RARB: variants seen among roughly 807,000 people sequenced by gnomAD.
RARB encodes the protein retinoic acid receptor beta, also known as HBV-activated protein.
Under a neutral mutation model 51.9 loss-of-function variants are expected in RARB, and 17 were observed. The observed-to-expected ratio is 0.33, with a 90% CI of 0.22 to 0.49. RARB has a LOEUF of 0.49. Among genes scored for constraint, RARB ranks in the 20% least tolerant of loss-of-function variants. The pLI, the probability that RARB is intolerant of heterozygous loss-of-function variation, is 0.99. For missense variants in RARB, 369 were observed against 550.8 expected (o/e 0.67, Z 3.30); for synonymous variants, 215 against 195.4 (o/e 1.10, Z -0.84).
At chr3:25,175,240 A>G (rs1700720469) in intron 5 of RARB, among the ~76,000 whole-genome samples, 1 of 152,226 alleles carries the variant, frequency 6.6e-6, no homozygotes, top group Non-Finnish European at 1.5e-5. Flanking sequence ...CAATTTTTAG[A>G]AAGTTCTGCC....
At chr3:25,311,142 G>A (rs908955355) in intron 5 of RARB, among the ~76,000 whole-genome samples, 8 of 152,194 alleles carry the variant, frequency 5.3e-5, no homozygotes, top group South Asian at 2.1e-4. Context: ...TTTGTGCCAA[G>A]CCTTGAAGGA....
chr3:25,500,420 A>G (rs1442940656), intron 2 of RARB, among the ~76,000 whole-genome samples: 1 of 133,472 alleles, frequency 7.5e-6, no homozygotes, highest in African/African-American at 2.9e-5. Flanking sequence ...TAACTCTTGC[A>G]TTAGGCAAAT....
rs1361010446 is a variant in RARB, at chr3:25,474,293, T to G, written c.306+12952T>G. Among the ~76,000 whole-genome samples, 7 of 152,194 alleles carry G rather than the reference T, an allele frequency of 4.6e-5. No homozygotes were observed. In the South Asian group the frequency reaches 8.3e-4, roughly 18 times the overall value. ...ATGAGAATTTTTGTTTGGATCTTAC[T>G]TCTCTGTATTGTACTCAAATTGTAC... is the stretch of plus-strand genomic sequence containing the variant. On this transcript the variant is annotated intron_variant, in intron 2 of 7. Coordinates refer to ENST00000330688, the MANE Select transcript of RARB (RefSeq NM_000965.5).
rs1701947545 is a variant in RARB, at chr3:25,597,896, A to C, written c.*1280A>C. 6.5e-6 allele frequency: 1 copy of C among 153,068 alleles called. No homozygotes were observed. The highest frequency in any genetic ancestry group is 1.5e-5 in the Non-Finnish European group (1 of 68,456). The allele number at this position is 153,068 out of a possible 1,614,324, so 9.5% of individuals were successfully genotyped here. A position where few individuals can be genotyped will look rare whatever the true frequency, so the allele number is the denominator to read the frequency against. On this transcript the variant is annotated 3_prime_UTR_variant, in exon 8 of 8. Coordinates refer to ENST00000330688, the MANE Select transcript of RARB (RefSeq NM_000965.5). Reference sequence around the variant, plus strand: ...ATATACTGTTTACCTTTTTCCATGGAGTCTCCTGGCAAAGAATAAAATATA... The same window carrying C: ...ATATACTGTTTACCTTTTTCCATGGCGTCTCCTGGCAAAGAATAAAATATA...
At chr3:25,242,741 T>C (rs1452142667) in intron 5 of RARB, among the ~76,000 whole-genome samples, 1 of 152,208 alleles carries the variant, frequency 6.6e-6, no homozygotes, top group Non-Finnish European at 1.5e-5. Flanking sequence ...TGAAGTAGCA[T>C]GATGCCTCCA....
At chr3:25,564,187 G>T (rs777422224) in intron 3 of RARB, among the ~76,000 whole-genome samples, 1 of 152,110 alleles carries the variant, frequency 6.6e-6, no homozygotes, top group Admixed American at 6.5e-5. Flanking sequence ...CATATTCATA[G>T]GTCGAGATCC....
At chr3:25,226,085 C>T (rs1423920366) in intron 5 of RARB, among the ~76,000 whole-genome samples, 2 of 152,136 alleles carry the variant, frequency 1.3e-5, no homozygotes, top group Non-Finnish European at 2.9e-5. Context: ...TATAAAAATT[C>T]AGTGTTACAG....
chr3:25,433,875 G>A (rs1228945108), intron 1 of RARB, among the ~76,000 whole-genome samples: 1 of 152,070 alleles, frequency 6.6e-6, no homozygotes, highest in Admixed American at 6.5e-5. Flanking sequence ...AAATAAAGTT[G>A]CAAAAGTTCT....
chr3:25,537,374 AAATTGGTTGTGTGTTTGAAT>A (rs1284581360), intron 3 of RARB, among the ~76,000 whole-genome samples: 3 of 152,158 alleles, frequency 2.0e-5, no homozygotes, highest in African/African-American at 7.2e-5. Context: ...CTGCTTTTCA[AAATTGGTTGTGTGTTTGAAT>A]AGGCCCCGAA....
At chr3:25,489,047 C>T (rs901342584) in intron 2 of RARB, among the ~76,000 whole-genome samples, 4 of 152,174 alleles carry the variant, frequency 2.6e-5, no homozygotes, top group African/African-American at 9.7e-5. Flanking sequence ...AAATGTTCTC[C>T]TACAAAACAA....
rs186029981 is a variant in RARB, at chr3:25,562,259, G to T, written c.449-7499G>T. Among the ~76,000 whole-genome samples, 8 of 151,820 alleles carry T rather than the reference G, an allele frequency of 5.3e-5. No individual in the cohort carries two copies. In the East Asian group the frequency reaches 1.5e-3, roughly 29 times the overall value. On this transcript the variant is annotated intron_variant, in intron 3 of 7. Transcript: ENST00000330688. ...CCTTTTTTTTTTTTCTAGATCAGAG[G>T]TTTTTTAAAAACAAGGTGAATTGAT...
chr3:25,404,333 T>C (rs1371571629), intron 5 of RARB, among the ~76,000 whole-genome samples: 1 of 152,180 alleles, frequency 6.6e-6, no homozygotes, highest in Non-Finnish European at 1.5e-5. Flanking sequence ...ACTGGAGTGC[T>C]GTGTAGCCAA....
chr3:25,432,066 C>G (rs969733811), intron 1 of RARB, among the ~76,000 whole-genome samples: 1 of 152,050 alleles, frequency 6.6e-6, no homozygotes, highest in African/African-American at 2.4e-5. Context: ...TTCTGCTTCT[C>G]GGGCACATGA....
chr3:25,133,156 AG>A (rs1699979139), intron 4 of RARB, among the ~76,000 whole-genome samples: 1 of 152,000 alleles, frequency 6.6e-6, no homozygotes, highest in African/African-American at 2.4e-5. Context: ...CATATGTAAA[AG>A]GGGAAGTATA....
At chr3:24,835,595 G>T (rs1175828933) in intron 1 of RARB, among the ~76,000 whole-genome samples, 3 of 152,122 alleles carry the variant, frequency 2.0e-5, no homozygotes, top group South Asian at 4.1e-4. Flanking sequence ...CCTTAACAAG[G>T]TTAAATGACT....
intron 2 of RARB, among the ~76,000 whole-genome samples, chr3:24,975,267 G>C (rs1363876009): frequency 1.3e-5 from 2 of 152,062 alleles, no homozygotes; most frequent in Non-Finnish European, 2.9e-5. Flanking sequence ...CTCAATAAAT[G>C]ATAGTTGCTA....
chr3:25,474,625 A>T (rs17016462), intron 2 of RARB, among the ~76,000 whole-genome samples: 4,691 of 152,310 alleles, frequency 0.031, 247 homozygotes, highest in East Asian at 0.26. Flanking sequence ...ATTTCATCAA[A>T]AACGTTATGC....
intron 2 of RARB, among the ~76,000 whole-genome samples, chr3:24,933,293 A>G (rs924800007): frequency 1.3e-5 from 2 of 149,914 alleles, no homozygotes; most frequent in Non-Finnish European, 3.0e-5. Context: ...TTTTTTTTTT[A>G]CAGATCTTCA....
chr3:24,982,329 T>A (rs1384665914), intron 2 of RARB, among the ~76,000 whole-genome samples: 3 of 152,224 alleles, frequency 2.0e-5, no homozygotes, highest in Non-Finnish European at 4.4e-5. Context: ...ATCCAAATCC[T>A]GGTTGATTTC....
Sources: allele counts gnomAD v4.1 joint callset (sites outside exome capture counted in the v4.1 genomes callset), GRCh38; gene constraint gnomAD v4.1.1; transcripts MANE v1.5; gene names NCBI Gene and HGNC (gene_info 2026-07-23, HGNC 2026-07-21).